Variants in ALMS1 observed in about 807,000 individuals in gnomAD.
The protein encoded by ALMS1 is ALMS1 centrosome and basal body associated protein, also known as centrosome-associated protein ALMS1.
Under a neutral mutation model 352.2 loss-of-function variants are expected in ALMS1, and 271 were observed. The observed-to-expected ratio is 0.77, with a 90% CI of 0.70 to 0.85. ALMS1 has a LOEUF of 0.85. Ranked by LOEUF, ALMS1 falls within the 40% of genes least tolerant of loss-of-function variation. The probability of loss-of-function intolerance (pLI) is 0.00; values close to 1 mark genes in which losing one functional copy is unlikely to be tolerated. For missense variants in ALMS1, 5,445 were observed against 4,870.7 expected (o/e 1.12, Z -3.51); for synonymous variants, 1,865 against 1,761.2 (o/e 1.06, Z -1.48).
At chr2:73,484,593 C>G (rs1015979630) in intron 9 of ALMS1, among the ~76,000 whole-genome samples, 10 of 151,498 alleles carry the variant, frequency 6.6e-5, no homozygotes, top group Non-Finnish European at 1.3e-4. Flanking sequence ...GTGGCGTTCT[C>G]TGTATTTCCT....
At chr2:73,606,027 A>T (rs916997161) in intron 21 of ALMS1, among the ~76,000 whole-genome samples, 4 of 152,278 alleles carry the variant, frequency 2.6e-5, no homozygotes, top group Non-Finnish European at 5.9e-5. Context: ...GGGACAGCAG[A>T]CTTAATACAG....
In ALMS1 at chr2:73,453,294, C is replaced by G; in HGVS notation, c.6767C>G (p.Ala2256Gly). The part of the protein sequence containing the change: ...SEEIQDAENS[A>G]KTLKEIRTLL... ...GAAATCCAGGATGCAGAAAATAGTG[C>G]TAAAACTCTTAAGGAAATTCGGACA... is the stretch of plus-strand genomic sequence containing the variant. Residue 2256 changes from alanine (A) to glycine (G), a missense_variant, in exon 8 of 23, where the codon GCT becomes GGT. Coordinates refer to ENST00000613296, the MANE Select transcript of ALMS1 (RefSeq NM_001378454.1). The G allele has an allele frequency of 6.2e-7, 1 of 1,613,876 alleles. No homozygotes were observed. Among genetic ancestry groups the G allele is most frequent in the Non-Finnish European group, 8.5e-7 (1 of 1,179,968 alleles).
chr2:73,543,136 C>A (rs2104015778), intron 12 of ALMS1, among the ~76,000 whole-genome samples: 1 of 152,264 alleles, frequency 6.6e-6, no homozygotes, highest in East Asian at 1.9e-4. Flanking sequence ...CTACAGTAAC[C>A]AAAACAGCAT....
intron 1 of ALMS1, among the ~76,000 whole-genome samples, chr2:73,404,547 T>C (rs1373875942): frequency 4.6e-5 from 7 of 152,042 alleles, no homozygotes; most frequent in Non-Finnish European, 8.8e-5. Context: ...GATCATGTGG[T>C]TTTTGTCCTT....
intron 16 of ALMS1, among the ~76,000 whole-genome samples, chr2:73,591,220 A>T (rs1427364280): frequency 6.6e-6 from 1 of 152,042 alleles, no homozygotes; most frequent in Non-Finnish European, 1.5e-5. Flanking sequence ...CAACCTCAAG[A>T]TTTGTTTTTA....
At chr2:73,564,460 C>T (rs907065911) in intron 15 of ALMS1, among the ~76,000 whole-genome samples, 4 of 134,720 alleles carry the variant, frequency 3.0e-5, no homozygotes, top group Non-Finnish European at 6.2e-5. Flanking sequence ...AGCAAGACTC[C>T]GTCTCAAAAA....
intron 16 of ALMS1, among the ~76,000 whole-genome samples, chr2:73,589,232 T>C (rs942283207): frequency 1.4e-5 from 2 of 147,510 alleles, no homozygotes; most frequent in African/African-American, 5.1e-5. Context: ...CAAAAAGTTA[T>C]AAGCTTAGAA....
intron 12 of ALMS1, among the ~76,000 whole-genome samples, chr2:73,541,619 G>A (rs11901935): frequency 0.38 from 57,603 of 151,922 alleles, 15,019 homozygotes; most frequent in African/African-American, 0.74. Context: ...ATAGACTGCT[G>A]GCCAGACTAA....
At chr2:73,569,177 G>T (rs547901879) in intron 15 of ALMS1, among the ~76,000 whole-genome samples, 1 of 151,852 alleles carries the variant, frequency 6.6e-6, no homozygotes, top group Admixed American at 6.6e-5. Context: ...ACCGCACCTG[G>T]CTAATTTTTG....
Position 73,609,565 on chromosome 2 carries a change from C to T in ALMS1, c.12463-3C>T. 6.2e-7 allele frequency: 1 copy of T among 1,614,104 alleles called. No individual in the cohort carries two copies. ...TCTTTCCTGCCTTTCTTTTCTTCTA[C>T]AGAGAGTGACCAATCAACTTCTGGG... On this transcript the variant is annotated splice_region_variant and splice_polypyrimidine_tract_variant and intron_variant, in intron 22 of 22. Transcript: ENST00000613296.
chr2:73,467,325 A>T (rs946309334), intron 9 of ALMS1, among the ~76,000 whole-genome samples: 1 of 152,166 alleles, frequency 6.6e-6, no homozygotes, highest in Non-Finnish European at 1.5e-5. Flanking sequence ...TGTCTCATAA[A>T]TGAAGATATC....
intron 9 of ALMS1, among the ~76,000 whole-genome samples, chr2:73,465,218 C>T (rs1192942367): frequency 6.6e-6 from 1 of 152,052 alleles, no homozygotes; most frequent in Non-Finnish European, 1.5e-5. Context: ...GGAGGCATCA[C>T]ACTACCTGAC....
rs376632767 is a variant in ALMS1 at position 73,424,639 on chromosome 2, C to T, written c.974C>T (p.Ser325Leu). 222 of 1,613,818 alleles carry T rather than the reference C, an allele frequency of 1.4e-4. No individual in the cohort carries two copies. The highest frequency in any genetic ancestry group is 1.7e-4 in the Non-Finnish European group (203 of 1,179,992). ...CAAGGGAATAATGAAGAGACTATTT[C>T]GTCTGTTGATGAACTGAAAATTCCC... ...SEQGNNEETI[S>L]SVDELKIPKD... is the part of the protein sequence containing the mutation. The change falls in exon 5 of 23, where the codon TCG becomes TTG. Residue 325 changes from serine (S) to leucine (L), a missense_variant. Transcript: ENST00000613296.
At chr2:73,599,649 T>C (rs995333021) in intron 17 of ALMS1, 128 bp downstream of exon 17, 97 of 1,159,514 alleles carry the variant, frequency 8.4e-5, no homozygotes, top group Non-Finnish European at 1.1e-4. Flanking sequence ...AATTTTCATC[T>C]TGTCAGATTG....
chr2:73,591,227 T>G (rs1675426420), intron 16 of ALMS1, among the ~76,000 whole-genome samples: 1 of 152,216 alleles, frequency 6.6e-6, no homozygotes, highest in South Asian at 2.1e-4. Context: ...AAGATTTGTT[T>G]TTAAAAAATT....
At chr2:73,419,078 A>T in intron 2 of ALMS1, 45 bp from the exon 3 acceptor site, 1 of 1,475,378 alleles carries the variant, frequency 6.8e-7, no homozygotes, top group Non-Finnish European at 9.5e-7. Flanking sequence ...TATGTATGGT[A>T]ACTCAGTTAA....
chr2:73,548,031 G>C (rs1414838011), intron 12 of ALMS1, among the ~76,000 whole-genome samples: 1 of 152,130 alleles, frequency 6.6e-6, no homozygotes, highest in Non-Finnish European at 1.5e-5. Context: ...GCCATTTACT[G>C]AGGTGGAGAT....
chr2:73,535,723 T>C (rs780322727), intron 12 of ALMS1, among the ~76,000 whole-genome samples: 11 of 152,192 alleles, frequency 7.2e-5, no homozygotes, highest in Admixed American at 3.3e-4. Flanking sequence ...TAGATAAATA[T>C]TTCCTATGGA....
Position 73,448,553 on chromosome 2 carries a change from C to G in ALMS1, c.2026C>G (p.Leu676Val), listed in dbSNP as rs895031942. 6.2e-7 allele frequency: 1 copy of G among 1,613,880 alleles called. No homozygotes were observed. Residue 676 changes from leucine (L) to valine (V), a missense_variant, in exon 8 of 23, where the codon CTC becomes GTC. Transcript: ENST00000613296. ...ATCCCACTCACATGTAGAGGACCTC[C>G]TCTTTTTCTATCGACAGACCTTGCC... is the stretch of plus-strand genomic sequence containing the variant. ...STSHSHVEDLLFFYRQTLPDG... is the reference protein window; with the variant it reads ...STSHSHVEDLVFFYRQTLPDG...
Sources: allele counts gnomAD v4.1 joint callset (sites outside exome capture counted in the v4.1 genomes callset), GRCh38; gene constraint gnomAD v4.1.1; transcripts MANE v1.5; gene names NCBI Gene and HGNC (gene_info 2026-07-23, HGNC 2026-07-21).